Variants in TMEM231 observed in about 807,000 individuals in gnomAD.
The protein encoded by TMEM231 is transmembrane protein 231.
In TMEM231, 40 loss-of-function variants were observed where a neutral mutation model predicts 38.5. That is an observed-to-expected ratio of 1.04 (90% confidence interval 0.81 to 1.35). The LOEUF (loss-of-function observed/expected upper bound fraction) is 1.35. Among genes scored for constraint, TMEM231 ranks in the 40% most tolerant of loss-of-function variants. The pLI is 0.00. For missense variants in TMEM231, 420 were observed against 416.9 expected (o/e 1.01, Z -0.07); for synonymous variants, 199 against 181.7 (o/e 1.10, Z -0.77).
At chr16:75,553,188 T>C (rs1165151769) in intron 2 of TMEM231, among the ~76,000 whole-genome samples, 2 of 152,220 alleles carry the variant, frequency 1.3e-5, no homozygotes, top group African/African-American at 4.8e-5. Flanking sequence ...CTTTGCCTTC[T>C]GGACAGTTTC....
At position 75,541,387 on chromosome 16, in the gene TMEM231, T is replaced by C; in HGVS notation, c.733A>G (p.Ile245Val). 1.2e-6 allele frequency: 2 copies of C among 1,611,990 alleles called. No individual in the cohort carries two copies. The highest frequency in any genetic ancestry group is 1.7e-6 in the Non-Finnish European group (2 of 1,178,790). ...ACAGGGTATCGGATGATAGCATTAA[T>C]CACAAATGGAGCATCTGCGGCCCTG... is the stretch of plus-strand genomic sequence containing the variant. The part of the protein sequence containing the change: ...VGRAADAPFV[I>V]NAIIRYPVEV... Residue 245 changes from isoleucine (I) to valine (V), a missense_variant, in exon 6 of 7, where the codon ATT (isoleucine) becomes GTT (valine). Coordinates refer to ENST00000258173, the MANE Select transcript of TMEM231 (RefSeq NM_001077418.3).
Position 75,536,818 on chromosome 16 carries a change from T to C in TMEM231, c.*3176A>G, listed in dbSNP as rs577824176. On this transcript the variant is annotated 3_prime_UTR_variant, in exon 7 of 7. Coordinates refer to ENST00000258173, the MANE Select transcript of TMEM231 (RefSeq NM_001077418.3). Reference sequence around the variant, plus strand: ...CATACAACAAAAAAGATTAGAAAGATGTGTGCCAGAATGCCAACCATAATA... The same window carrying C: ...CATACAACAAAAAAGATTAGAAAGACGTGTGCCAGAATGCCAACCATAATA... The C allele has an allele frequency of 2.6e-5, 4 of 152,212 alleles. No homozygotes were observed. The highest frequency in any genetic ancestry group is 5.9e-5 in the Non-Finnish European group (4 of 68,040). 9.4% of individuals were successfully genotyped at this position (152,212 alleles called of 1,614,324 possible).
chr16:75,545,102 C>T (rs1001210330), intron 4 of TMEM231, among the ~76,000 whole-genome samples: 14 of 151,732 alleles, frequency 9.2e-5, no homozygotes, highest in African/African-American at 3.1e-4. Flanking sequence ...ATTACAGGCA[C>T]GCACCACACG....
rs35767878 is a variant in TMEM231 at position 75,537,121 on chromosome 16, C to CAAAAAAAAAAAAAAA, written c.*2858_*2872dup. Reference sequence around the variant, plus strand: ...TGGGTAACAGAGTGAGACTCTGTCTCAAAAAAAAAAAAAAAAAAGAAAAAG... The same window carrying CAAAAAAAAAAAAAAA: ...TGGGTAACAGAGTGAGACTCTGTCTCAAAAAAAAAAAAAAAAAAAAAAAAAAAAAAAAAGAAAAAG... On this transcript the variant is annotated 3_prime_UTR_variant, in exon 7 of 7. Transcript: ENST00000258173. 1 of 107,192 alleles carries CAAAAAAAAAAAAAAA rather than the reference C, an allele frequency of 9.3e-6. No individual in the cohort carries two copies. The highest frequency in any genetic ancestry group is 2.0e-5 in the Non-Finnish European group (1 of 50,736). 6.6% of individuals were successfully genotyped at this position (107,192 alleles called of 1,614,324 possible).
chr16:75,540,901 G>A (rs1484862025), intron 6 of TMEM231, among the ~76,000 whole-genome samples: 1 of 152,172 alleles, frequency 6.6e-6, no homozygotes. Context: ...CCATTTTTAT[G>A]AGGCTATAAC....
At chr16:75,551,059 G>A in intron 2 of TMEM231, among the ~76,000 whole-genome samples, 1 of 152,108 alleles carries the variant, frequency 6.6e-6, no homozygotes, top group East Asian at 1.9e-4. Flanking sequence ...TTATACCAGT[G>A]TCTATTTCAC....
In TMEM231 at chr16:75,545,422, T is replaced by A. The variant is rs949993630; in HGVS notation, c.512A>T (p.Tyr171Phe). ...SSFPVPGSQL[Y>F]VNGDLRLQQK... is the part of the protein sequence containing the mutation. ...CTGCAGCCTCAGGTCTCCGTTCACG[T>A]ATAACTGGGATCCCGGGACAGGAAA... Residue 171 changes from tyrosine (Y) to phenylalanine (F), a missense_variant, in exon 4 of 7, where the codon TAC (tyrosine) becomes TTC (phenylalanine). Transcript: ENST00000258173. 1.2e-6 allele frequency: 2 copies of A among 1,607,582 alleles called. No individual in the cohort carries two copies. The highest frequency in any genetic ancestry group is 1.7e-5 in the Admixed American group (1 of 59,270).
chr16:75,540,026 G>C lies in TMEM231; in HGVS notation c.919C>G (p.Arg307Gly). ...AAGTGCTCCTTACACAAGTCTCCCCGGGGCGTCACTGTCACAGGAATGGTG... is the reference window on the plus strand; with the variant it reads ...AAGTGCTCCTTACACAAGTCTCCCCCGGGCGTCACTGTCACAGGAATGGTG... ...VTTIPVTVTP[R>G]GDLCKEHLS is the part of the protein sequence containing the mutation. Residue 307 changes from arginine to glycine, a missense_variant, in exon 7 of 7, where the codon CGG becomes GGG. Coordinates refer to ENST00000258173, the MANE Select transcript of TMEM231 (RefSeq NM_001077418.3). 6.2e-7 allele frequency: 1 copy of C among 1,613,152 alleles called. No individual in the cohort carries two copies. The highest frequency in any genetic ancestry group is 8.5e-7 in the Non-Finnish European group (1 of 1,179,496).
chr16:75,556,003 T>G lies in TMEM231; in HGVS notation c.140-30A>C, dbSNP rs2080806593. The G allele has an allele frequency of 6.3e-7, 1 of 1,586,392 alleles. No individual in the cohort carries two copies. Among genetic ancestry groups the G allele is most frequent in the Middle Eastern group, 1.7e-4 (1 of 6,018 alleles). ...GTTAAAGAGGGCGGTAGGGAGGCGG[T>G]TAGGGAGGCCGGCCCTGGCCGAGCG... is the stretch of plus-strand genomic sequence containing the variant. On this transcript the variant is annotated intron_variant, in intron 1 of 6. Transcript: ENST00000258173.
chr16:75,539,365 C>G lies in TMEM231; in HGVS notation c.*629G>C, dbSNP rs934288310. On this transcript the variant is annotated 3_prime_UTR_variant, in exon 7 of 7. Transcript: ENST00000258173. The stretch of plus-strand genomic sequence containing the variant: ...CAGGGCTGCTCAGCTGAGCTGATGA[C>G]AGATGACTGACTGTTGGGCTGGGGC... 2.0e-5 allele frequency: 3 copies of G among 152,290 alleles called. No homozygotes were observed. The highest frequency in any genetic ancestry group is 7.2e-5 in the African/African-American group (3 of 41,458). The allele number at this position is 152,290 out of a possible 1,614,324, so 9.4% of individuals were successfully genotyped here. A position where few individuals can be genotyped will look rare whatever the true frequency, so the allele number is the denominator to read the frequency against.
At chr16:75,541,835 AT>A in intron 5 of TMEM231, 1 of 156,232 alleles carries the variant, frequency 6.4e-6, no homozygotes, top group South Asian at 2.0e-4. Context: ...CAATGGCTGT[AT>A]AAAAAGATCT....
chr16:75,553,517 A>G (rs1022059674), intron 2 of TMEM231, among the ~76,000 whole-genome samples: 54 of 151,516 alleles, frequency 3.6e-4, no homozygotes, highest in African/African-American at 1.1e-3. Context: ...AGCTACTTGG[A>G]AGGCTGAGGC....
intron 2 of TMEM231, among the ~76,000 whole-genome samples, chr16:75,548,506 A>C (rs2080719563): frequency 6.6e-6 from 1 of 152,254 alleles, no homozygotes; most frequent in Non-Finnish European, 1.5e-5. Flanking sequence ...TGGACAATGT[A>C]GAAAACAGTG....
intron 6 of TMEM231, 67 bp downstream of exon 6, chr16:75,541,283 G>C (rs749217269): frequency 2.4e-6 from 3 of 1,231,220 alleles, no homozygotes; most frequent in Non-Finnish European, 1.1e-6. Context: ...GCCTCCCAAA[G>C]TGCTGAAATT....
At chr16:75,551,318 C>T (rs1250571033) in intron 2 of TMEM231, among the ~76,000 whole-genome samples, 4 of 152,196 alleles carry the variant, frequency 2.6e-5, no homozygotes, top group African/African-American at 9.6e-5. Context: ...CCACCTCAGC[C>T]TCCTGAGTAG....
chr16:75,541,162 C>T (rs1280253314), intron 6 of TMEM231, among the ~76,000 whole-genome samples, 188 bp downstream of exon 6: 6 of 150,350 alleles, frequency 4.0e-5, no homozygotes, highest in Non-Finnish European at 8.8e-5. Flanking sequence ...TACACATGTA[C>T]GCCACTATGC....
chr16:75,541,528 T>C (rs1597037473), intron 5 of TMEM231, 73 bp from the exon 6 acceptor site: 1 of 915,212 alleles, frequency 1.1e-6, no homozygotes, highest in Non-Finnish European at 1.6e-6. Context: ...AAAGATTATT[T>C]GATACCTGGA....
chr16:75,542,575 G>C, intron 5 of TMEM231, 27 bp downstream of exon 5: 1 of 1,602,200 alleles, frequency 6.2e-7, no homozygotes, highest in Non-Finnish European at 8.6e-7. Context: ...CTGAGCAGCG[G>C]CTGAATGGGC....
intron 2 of TMEM231, among the ~76,000 whole-genome samples, chr16:75,547,576 C>T (rs909480064): frequency 4.6e-5 from 7 of 151,752 alleles, no homozygotes; most frequent in African/African-American, 7.3e-5. Context: ...GTCAGAAGAT[C>T]GAGACCATCC....
Sources: allele counts gnomAD v4.1 joint callset (sites outside exome capture counted in the v4.1 genomes callset), GRCh38; gene constraint gnomAD v4.1.1; transcripts MANE v1.5; gene names NCBI Gene and HGNC (gene_info 2026-07-23, HGNC 2026-07-21).